CUX2: variants seen among roughly 807,000 people sequenced by gnomAD.
CUX2 encodes cut like homeobox 2, also known as homeobox protein cut-like 2.
In CUX2, 40 loss-of-function variants were observed where a neutral mutation model predicts 144.8. The observed-to-expected ratio is 0.28, with a 90% CI of 0.21 to 0.36. CUX2 has a LOEUF of 0.36. CUX2 is among the 10% of genes least tolerant of loss of function. CUX2 has a pLI of 1.00. For missense variants in CUX2, 1,615 were observed against 1,994.0 expected, an observed-to-expected ratio of 0.81 and a Z score of 3.62; for synonymous variants, 827 against 875.6, an observed-to-expected ratio of 0.94 and a Z score of 0.98.
At chr12:111,292,181 A>G (rs1454440879) in intron 5 of CUX2, among the ~76,000 whole-genome samples, 1 of 152,222 alleles carries the variant, frequency 6.6e-6, no homozygotes, top group African/African-American at 2.4e-5. Context: ...AAGCAGAAAC[A>G]ACTCAAGTGG....
intron 1 of CUX2, among the ~76,000 whole-genome samples, chr12:111,195,578 C>A (rs960568963): frequency 6.6e-6 from 1 of 152,196 alleles, no homozygotes; most frequent in African/African-American, 2.4e-5. Flanking sequence ...CTGACAGACA[C>A]GAGTTGGAAC....
chr12:111,055,867 A>C (rs116563780), intron 1 of CUX2, among the ~76,000 whole-genome samples: 4,223 of 152,340 alleles, frequency 0.028, 213 homozygotes, highest in African/African-American at 0.097. Context: ...GCACCTTGCT[A>C]ATGAGAATCA....
Position 111,348,978 on chromosome 12 carries a change from C to T in CUX2, c.*653C>T, listed in dbSNP as rs997467335. On this transcript the variant is annotated 3_prime_UTR_variant, in exon 22 of 22. Transcript: ENST00000261726. ...AAGACTCTAAACAAAAACCTCGACG[C>T]CGTTGAGGATGTGTTTCATTCTGGT... 1 of 152,638 alleles carries T rather than the reference C, an allele frequency of 6.6e-6. No individual in the cohort carries two copies. The highest frequency in any genetic ancestry group is 1.5e-5 in the Non-Finnish European group (1 of 68,050). 9.5% of individuals were successfully genotyped at this position (152,638 alleles called of 1,614,324 possible). A position where few individuals can be genotyped will look rare whatever the true frequency, so the allele number is the denominator to read the frequency against.
intron 10 of CUX2, 119 bp from the exon 11 acceptor site, chr12:111,306,802 C>T: frequency 1.3e-6 from 1 of 767,190 alleles, no homozygotes. Flanking sequence ...CAAGCACACC[C>T]CATACCATCA....
Position 111,320,477 on chromosome 12 carries a change from C to G in CUX2, c.2468C>G (p.Ala823Gly). The stretch of plus-strand genomic sequence containing the variant: ...TACTCTGGCCAGCCCAACGGCCGCG[C>G]CTGGCCCCGCGGGGACGAGGCCCCT... ...SGYSGQPNGR[A>G]WPRGDEAPVP... The change falls in exon 17 of 22, where the codon GCC becomes GGC. Residue 823 changes from alanine to glycine, a missense_variant. Ala to Gly is a moderately conservative substitution (Grantham distance 60, BLOSUM62 0). This residue lies in a region of CUX2 where 390 missense variants were observed against 387.1 expected (regional missense o/e 1.01). Transcript: ENST00000261726. The surrounding 1 kb of genome is among the most constrained non-coding windows in gnomAD (Gnocchi z 8.1). 1.9e-6 allele frequency: 3 copies of G among 1,589,480 alleles called. No individual in the cohort carries two copies. Among genetic ancestry groups the G allele is most frequent in the Non-Finnish European group, 2.6e-6 (3 of 1,172,600 alleles).
Position 111,302,949 on chromosome 12 carries a change from C to CAGT in CUX2, c.754-1258_754-1256dup, listed in dbSNP as rs769193847. Among the ~76,000 whole-genome samples, 9 of 144,732 alleles carry CAGT rather than the reference C, an allele frequency of 6.2e-5. No homozygotes were observed. The East Asian group carries it at 1.0e-3, about 17-fold the overall frequency. 94.9% of individuals were successfully genotyped at this position (144,732 alleles called of 152,430 possible). A position where few individuals can be genotyped will look rare whatever the true frequency, so the allele number is the denominator to read the frequency against. ...GAAAAAGAAATCTACCAGCTGGGCA[C>CAGT]AGTAGCTCATGCCTGTAATCCCAGC... On this transcript the variant is annotated intron_variant, in intron 9 of 21. Coordinates refer to ENST00000261726, the MANE Select transcript of CUX2 (RefSeq NM_015267.4).
chr12:111,254,556 A>G (rs1363852076), intron 3 of CUX2, among the ~76,000 whole-genome samples: 2 of 152,230 alleles, frequency 1.3e-5, no homozygotes, highest in Non-Finnish European at 2.9e-5. Context: ...TGAATTAGTG[A>G]CTTACACCTG....
rs369334691 is a variant in CUX2 at position 111,312,146 on chromosome 12, C to T, written c.1947C>T (p.Asp649=). The T allele has an allele frequency of 2.0e-5, 32 of 1,612,200 alleles. No homozygotes were observed. The highest frequency in any genetic ancestry group is 9.9e-5 in the South Asian group (9 of 90,912). Residue 649 remains aspartate (D), a synonymous_variant, in exon 16 of 22, where the codon GAC becomes GAT. Transcript: ENST00000261726. The surrounding 1 kb of genome is among the most constrained non-coding windows in gnomAD (Gnocchi z 4.3). The stretch of plus-strand genomic sequence containing the variant: ...GCACGCCTGAGACAGGCTCAGACGA[C>T]GCCATCAAGAGCATTCTAGAGCAGG... ...RIRTPETGSD[D]AIKSILEQAK... is the part of the protein sequence containing the mutation.
Position 111,295,277 on chromosome 12 carries a change from G to T in CUX2, c.561-56G>T. 2 of 1,568,944 alleles carry T rather than the reference G, an allele frequency of 1.3e-6. No individual in the cohort carries two copies. Among genetic ancestry groups the T allele is most frequent in the South Asian group, 2.3e-5 (2 of 86,704 alleles). ...AAGCAAGATGGGGCTCGACTCGGGG[G>T]CCCCAGGCAAGGCCTGTCCCTGCAG... On this transcript the variant is annotated intron_variant, in intron 6 of 21. Transcript: ENST00000261726. The surrounding 1 kb of genome is among the most constrained non-coding windows in gnomAD (Gnocchi z 5.0).
intron 1 of CUX2, among the ~76,000 whole-genome samples, chr12:111,064,636 G>A (rs1870947029): frequency 6.6e-6 from 1 of 152,204 alleles, no homozygotes. Context: ...ATCTAGCCAT[G>A]TACCCCAAGT....
At chr12:111,096,147 G>A (rs1872802491) in intron 1 of CUX2, among the ~76,000 whole-genome samples, 1 of 152,198 alleles carries the variant, frequency 6.6e-6, no homozygotes, top group Non-Finnish European at 1.5e-5. Flanking sequence ...CATCAGCAGG[G>A]AGAACCAAGA....
intron 3 of CUX2, among the ~76,000 whole-genome samples, chr12:111,240,318 C>T (rs913609338): frequency 6.6e-6 from 1 of 152,220 alleles, no homozygotes; most frequent in African/African-American, 2.4e-5. Flanking sequence ...GTGCTTCCCC[C>T]ACAAGGGCTA....
At chr12:111,087,118 G>C (rs1289167972) in intron 1 of CUX2, among the ~76,000 whole-genome samples, 1 of 152,120 alleles carries the variant, frequency 6.6e-6, no homozygotes, top group African/African-American at 2.4e-5. Context: ...CCAGCACTCT[G>C]GGAGGCCGAG....
At chr12:111,142,252 G>A (rs1456546735) in intron 1 of CUX2, among the ~76,000 whole-genome samples, 37 of 152,076 alleles carry the variant, frequency 2.4e-4, no homozygotes, top group Admixed American at 2.4e-3. Context: ...CAAAATAAAA[G>A]GGATGTATTT....
intron 3 of CUX2, among the ~76,000 whole-genome samples, chr12:111,239,458 C>T (rs1384435822): frequency 6.6e-6 from 1 of 152,140 alleles, no homozygotes; most frequent in Non-Finnish European, 1.5e-5. Flanking sequence ...CGTTCTCTCA[C>T]CTTGAGTCGG....
At chr12:111,069,561 T>TGCGC (rs1301461226) in intron 1 of CUX2, among the ~76,000 whole-genome samples, 1 of 146,770 alleles carries the variant, frequency 6.8e-6, no homozygotes, top group African/African-American at 2.6e-5. Context: ...TGCGCGCGCG[T>TGCGC]GTGTGTGTGT....
intron 1 of CUX2, among the ~76,000 whole-genome samples, chr12:111,150,393 C>G (rs1003485837): frequency 1.3e-5 from 2 of 152,340 alleles, no homozygotes; most frequent in South Asian, 4.1e-4. Flanking sequence ...AACACACATG[C>G]CCCTCTTGCC....
At chr12:111,063,518 C>T (rs1761157813) in intron 1 of CUX2, among the ~76,000 whole-genome samples, 6 of 152,242 alleles carry the variant, frequency 3.9e-5, no homozygotes, top group Admixed American at 3.9e-4. Context: ...GCACCATCGC[C>T]TCCCACAGCC....
chr12:111,060,827 AT>A (rs1566194847), intron 1 of CUX2, among the ~76,000 whole-genome samples: 1 of 152,196 alleles, frequency 6.6e-6, no homozygotes, highest in Non-Finnish European at 1.5e-5. Context: ...AAGTTAGGCC[AT>A]GGTGGTCACC....
Sources: allele counts gnomAD v4.1 joint callset (sites outside exome capture counted in the v4.1 genomes callset), GRCh38; gene constraint gnomAD v4.1.1; regional missense constraint gnomAD v4.1.1; non-coding constraint Gnocchi (gnomAD v3.1); transcripts MANE v1.5; gene names NCBI Gene and HGNC (gene_info 2026-07-23, HGNC 2026-07-21).